Variants in ERC1 observed in about 807,000 individuals in gnomAD.
ERC1 encodes ELKS/RAB6-interacting/CAST family member 1, also known as RAB6 interacting protein 2.
A neutral mutation model predicts 132.0 loss-of-function variants in ERC1; 56 were observed. That is an observed-to-expected ratio of 0.42 (90% CI 0.34 to 0.53). The LOEUF (loss-of-function observed/expected upper bound fraction) is 0.53, where lower values mean the gene tolerates loss of function less well. Ranked by LOEUF, ERC1 falls within the 20% of genes least tolerant of loss-of-function variation. The pLI is 0.03. For synonymous variants in ERC1, 478 were observed against 476.1 expected, an observed-to-expected ratio of 1.00 and a Z score of -0.05; for missense variants, 1,202 against 1,349.9, an observed-to-expected ratio of 0.89 and a Z score of 1.72.
At chr12:1,393,588 TTC>T (rs1294306260) in intron 16 of ERC1, among the ~76,000 whole-genome samples, 1 of 146,550 alleles carries the variant, frequency 6.8e-6, no homozygotes, top group Non-Finnish European at 1.5e-5. Context: ...TTTTTTTTTT[TTC>T]CTTTAGAGAG....
At chr12:1,041,138 A>G (rs934837853) in intron 2 of ERC1, among the ~76,000 whole-genome samples, 1 of 152,152 alleles carries the variant, frequency 6.6e-6, no homozygotes, top group African/African-American at 2.4e-5. Flanking sequence ...TACATTTAGA[A>G]ACAATAAACC....
intron 16 of ERC1, among the ~76,000 whole-genome samples, chr12:1,388,257 G>A (rs569084806): frequency 1.1e-3 from 159 of 151,276 alleles, no homozygotes; most frequent in Non-Finnish European, 2.2e-3. Context: ...GGCTGAGGCA[G>A]GAGAATGGTG....
intron 12 of ERC1, among the ~76,000 whole-genome samples, chr12:1,228,445 G>C (rs909156772): frequency 1.7e-5 from 2 of 114,500 alleles, no homozygotes; most frequent in Non-Finnish European, 3.6e-5. Flanking sequence ...TTTTATGCAG[G>C]CTTTAGGGTT....
chr12:1,076,270 C>G (rs1941316622), intron 2 of ERC1, among the ~76,000 whole-genome samples: 1 of 151,996 alleles, frequency 6.6e-6, no homozygotes, highest in Admixed American at 6.5e-5. Context: ...TGCTTCAGGT[C>G]AAATATTGAA....
intron 8 of ERC1, among the ~76,000 whole-genome samples, chr12:1,147,102 ACAG>A (rs1301112981): frequency 6.6e-6 from 1 of 152,214 alleles, no homozygotes; most frequent in African/African-American, 2.4e-5. Flanking sequence ...ATGTGTCTTT[ACAG>A]CAGCATGATT....
rs187670388 is a variant in ERC1, at chr12:1,041,514, G to C, written c.669+12942G>C. On this transcript the variant is annotated intron_variant, in intron 2 of 18. Coordinates refer to ENST00000360905, the MANE Select transcript of ERC1 (RefSeq NM_178040.4). ...GAGCCACCGTACCCAGCCTAGTTTT[G>C]CATGTCTCTCTAAGGAAAGGAGGAC... Among the ~76,000 whole-genome samples the C allele has an allele frequency of 5.9e-5, 9 of 152,140 alleles. No individual in the cohort carries two copies. In the East Asian group the frequency reaches 1.7e-3, roughly 29 times the overall value.
intron 8 of ERC1, among the ~76,000 whole-genome samples, chr12:1,165,943 A>G (rs61914297): frequency 0.2 from 30,620 of 152,166 alleles, 3,658 homozygotes; most frequent in Non-Finnish European, 0.28. Flanking sequence ...CCTGCTGGCA[A>G]TTACAACCCC....
intron 3 of ERC1, among the ~76,000 whole-genome samples, chr12:1,093,942 A>ATATATATAT: frequency 2.0e-5 from 1 of 50,808 alleles, no homozygotes; most frequent in Non-Finnish European, 4.5e-5. Flanking sequence ...TTTCTATATA[A>ATATATATAT]ATATATATAT....
At chr12:1,446,376 C>T (rs1294969068) in intron 18 of ERC1, among the ~76,000 whole-genome samples, 1 of 152,120 alleles carries the variant, frequency 6.6e-6, no homozygotes, top group Admixed American at 6.5e-5. Flanking sequence ...GAAATATTAA[C>T]TTAAAGCTCC....
chr12:1,123,164 GTTAC>G (rs1947772438), intron 7 of ERC1, among the ~76,000 whole-genome samples: 2 of 152,122 alleles, frequency 1.3e-5, no homozygotes, highest in South Asian at 2.1e-4. Context: ...AGAAAATACA[GTTAC>G]TTAAGAAGAT....
chr12:1,164,304 T>TTTATG (rs1555279719), intron 8 of ERC1, among the ~76,000 whole-genome samples: 4 of 138,056 alleles, frequency 2.9e-5, no homozygotes, highest in African/African-American at 1.1e-4. Flanking sequence ...GTTATTTTAT[T>TTTATG]TTATGTTATT....
chr12:1,365,012 G>A (rs56883519), intron 15 of ERC1, among the ~76,000 whole-genome samples: 7,741 of 152,190 alleles, frequency 0.051, 324 homozygotes, highest in African/African-American at 0.11. Flanking sequence ...TCAATGTTCT[G>A]TTTTTGCAAA....
At chr12:1,119,891 T>C (rs77122164) in intron 7 of ERC1, among the ~76,000 whole-genome samples, 1 of 152,178 alleles carries the variant, frequency 6.6e-6, no homozygotes, top group East Asian at 1.9e-4. Flanking sequence ...TCCTCATCTA[T>C]AAAATGAGGA....
chr12:1,495,551 G>C lies in ERC1; in HGVS notation c.*5321G>C, dbSNP rs2094350228. 1 of 229,164 alleles carries C rather than the reference G, an allele frequency of 4.4e-6. No individual in the cohort carries two copies. The highest frequency in any genetic ancestry group is 8.7e-6 in the Non-Finnish European group (1 of 115,564). 14.2% of individuals were successfully genotyped at this position (229,164 alleles called of 1,614,324 possible). On this transcript the variant is annotated 3_prime_UTR_variant, in exon 19 of 19. Transcript: ENST00000360905. Reference sequence around the variant, plus strand: ...GCAGCACCACCCACTCTGGCCTGCTGGCCCATCGCAGGACTAGCCCAGGCA... The same window carrying C: ...GCAGCACCACCCACTCTGGCCTGCTCGCCCATCGCAGGACTAGCCCAGGCA...
At chr12:1,252,352 T>G (rs1184852346) in intron 13 of ERC1, among the ~76,000 whole-genome samples, 2 of 152,160 alleles carry the variant, frequency 1.3e-5, no homozygotes, top group East Asian at 1.9e-4. Context: ...AAGATATTTT[T>G]GGGATTTTTT....
chr12:1,473,011 G>A (rs1020007427), intron 18 of ERC1, among the ~76,000 whole-genome samples: 4 of 152,012 alleles, frequency 2.6e-5, no homozygotes, highest in Admixed American at 2.0e-4. Flanking sequence ...CCCGAATGGA[G>A]CCAAACTCTT....
intron 15 of ERC1, among the ~76,000 whole-genome samples, chr12:1,356,213 A>AGTGTGTGTGTGTGT (rs71055145): frequency 1.4e-4 from 18 of 130,006 alleles, no homozygotes; most frequent in African/African-American, 4.5e-4. Flanking sequence ...AAAAAAAAAA[A>AGTGTGTGTGTGTGT]GTGTGTGTGT....
intron 2 of ERC1, among the ~76,000 whole-genome samples, chr12:1,046,060 A>T (rs1191598461): frequency 3.3e-5 from 5 of 152,170 alleles, no homozygotes; most frequent in African/African-American, 9.7e-5. Context: ...TTTGCACACT[A>T]GCAAAATAAA....
chr12:1,037,961 G>A (rs566291499), intron 2 of ERC1, among the ~76,000 whole-genome samples: 4 of 151,644 alleles, frequency 2.6e-5, no homozygotes, highest in East Asian at 3.9e-4. Context: ...GGAGAATAGC[G>A]TGAACCCGGG....
Sources: gnomAD v4.1 joint callset for allele counts (sites outside exome capture counted in the v4.1 genomes callset) on GRCh38, gnomAD v4.1.1 for gene constraint, MANE v1.5 for transcripts, NCBI Gene and HGNC (gene_info 2026-07-23, HGNC 2026-07-21) for gene names.